AMD1: variants seen among roughly 807,000 people sequenced by gnomAD.
The protein encoded by AMD1 is S-adenosylmethionine decarboxylase proenzyme.
In AMD1, 11 loss-of-function variants were observed where a neutral mutation model predicts 40.2. The observed-to-expected ratio is 0.27, with a 90% confidence interval of 0.17 to 0.45. The LOEUF is 0.45. Ranked by LOEUF, AMD1 falls within the 20% of genes least tolerant of loss-of-function variation. AMD1 has a pLI of 1.00. For missense variants in AMD1, 257 were observed against 410.2 expected, an observed-to-expected ratio of 0.63 and a Z score of 3.23; for synonymous variants, 121 against 130.8, an observed-to-expected ratio of 0.93 and a Z score of 0.51.
the AMD1 span, among the ~76,000 whole-genome samples, chr6:110,829,653 A>G: frequency 6.6e-6 from 1 of 151,928 alleles, no homozygotes; most frequent in Admixed American, 6.6e-5. Flanking sequence ...TGGGCGACAG[A>G]GGGAGACTCT....
chr6:110,857,732 A>G, the AMD1 span, among the ~76,000 whole-genome samples: 11 of 145,680 alleles, frequency 7.6e-5, no homozygotes, highest in East Asian at 2.0e-4. Context: ...GATGGTGTGT[A>G]TATATATATA....
At chr6:110,883,978 G>A (rs1358641346) in intron 1 of AMD1, among the ~76,000 whole-genome samples, 3 of 152,136 alleles carry the variant, frequency 2.0e-5, no homozygotes, top group Non-Finnish European at 2.9e-5. Flanking sequence ...GATTATGGAA[G>A]GTTGAAGAAA....
the AMD1 span, among the ~76,000 whole-genome samples, chr6:110,822,083 A>G: frequency 1.3e-5 from 2 of 152,172 alleles, no homozygotes; most frequent in African/African-American, 2.4e-5. Context: ...CAAGAAAATA[A>G]GAGAGAAGGC....
chr6:110,862,146 C>T, the AMD1 span, among the ~76,000 whole-genome samples: 1 of 150,442 alleles, frequency 6.6e-6, no homozygotes, highest in Non-Finnish European at 1.5e-5. Flanking sequence ...GTAGCTGAGA[C>T]TACAGGCAGG....
At chr6:110,827,358 G>A in the AMD1 span, among the ~76,000 whole-genome samples, 1 of 148,782 alleles carries the variant, frequency 6.7e-6, no homozygotes, top group South Asian at 2.1e-4. Context: ...GCCCAAGCTT[G>A]TTTCTAACTC....
the AMD1 span, among the ~76,000 whole-genome samples, chr6:110,828,010 A>G: frequency 3.3e-5 from 5 of 152,242 alleles, no homozygotes; most frequent in African/African-American, 1.2e-4. Flanking sequence ...ACAGTAACAC[A>G]ATAAGCTACA....
rs1414778415 is a variant in AMD1, at chr6:110,888,735, T to C, written c.198-122T>C. 15 of 955,990 alleles carry C rather than the reference T, an allele frequency of 1.6e-5. No individual in the cohort carries two copies. In the East Asian group the frequency reaches 3.8e-4, roughly 24 times the overall value. The allele number at this position is 955,990 out of a possible 1,614,324, so 59.2% of individuals were successfully genotyped here. A position where few individuals can be genotyped will look rare whatever the true frequency, so the allele number is the denominator to read the frequency against. ...AGGAAAAGAATAATGTGTTACTTGC[T>C]TCCTTGAGATCCTAATATTTAAAAG... On this transcript the variant is annotated intron_variant, in intron 2 of 8. Transcript: ENST00000368885.
Position 110,894,592 on chromosome 6 carries a change from A to G in AMD1, c.*976A>G, listed in dbSNP as rs550769056. On this transcript the variant is annotated 3_prime_UTR_variant, in exon 9 of 9. Transcript: ENST00000368885. ...CTTTACTAACTTAGTAGTAGTATAA[A>G]ATCATTTTTATTTAGTTAATTACCA... 5.9e-5 allele frequency: 9 copies of G among 152,304 alleles called. No individual in the cohort carries two copies. The highest frequency in any genetic ancestry group is 5.2e-4 in the Admixed American group (8 of 15,286). The allele number at this position is 152,304 out of a possible 1,614,324, so 9.4% of individuals were successfully genotyped here.
At chr6:110,853,773 C>T in the AMD1 span, among the ~76,000 whole-genome samples, 1 of 152,182 alleles carries the variant, frequency 6.6e-6, no homozygotes, top group African/African-American at 2.4e-5. Flanking sequence ...CCTGACCTTT[C>T]AGAACTAACA....
chr6:110,859,149 G>C, the AMD1 span: 114 of 1,270,660 alleles, frequency 9.0e-5, 1 homozygote, highest in East Asian at 1.4e-3. Flanking sequence ...GGCTACTGAG[G>C]CTCCCAGCAC....
At chr6:110,886,333 C>CT (rs1192045475) in intron 1 of AMD1, among the ~76,000 whole-genome samples, 8 of 152,054 alleles carry the variant, frequency 5.3e-5, no homozygotes, top group African/African-American at 1.7e-4. Flanking sequence ...GGGTATTACT[C>CT]TATCGCCCAG....
chr6:110,846,741 G>C, the AMD1 span, among the ~76,000 whole-genome samples: 1 of 151,812 alleles, frequency 6.6e-6, no homozygotes, highest in Non-Finnish European at 1.5e-5. Flanking sequence ...GTGGTGGCGT[G>C]TGCCTGTAGT....
the AMD1 span, among the ~76,000 whole-genome samples, chr6:110,842,900 C>T: frequency 3.9e-5 from 6 of 151,958 alleles, no homozygotes; most frequent in South Asian, 2.1e-4. Context: ...TTTGGGAGGC[C>T]GAGGGGGATG....
At chr6:110,819,570 G>T in the AMD1 span, among the ~76,000 whole-genome samples, 1 of 152,184 alleles carries the variant, frequency 6.6e-6, no homozygotes, top group East Asian at 1.9e-4. Context: ...AGGAAACACA[G>T]GAATGGGAGC....
At chr6:110,848,799 C>T in the AMD1 span, 3 of 215,816 alleles carry the variant, frequency 1.4e-5, no homozygotes, top group South Asian at 1.3e-4. Context: ...GCCAGGAGTT[C>T]AAGACGAGCC....
the AMD1 span, among the ~76,000 whole-genome samples, chr6:110,816,464 A>G: frequency 6.6e-6 from 1 of 152,244 alleles, no homozygotes; most frequent in African/African-American, 2.4e-5. Context: ...CCACTCTGGC[A>G]TATTGATGTC....
upstream of AMD1, among the ~76,000 whole-genome samples, chr6:110,870,725 C>A (rs1302607669): frequency 2.0e-5 from 3 of 152,088 alleles, no homozygotes; most frequent in African/African-American, 7.2e-5. Flanking sequence ...CCTCTTCTTC[C>A]AGGCTAGACT....
At chr6:110,830,310 G>A in the AMD1 span, among the ~76,000 whole-genome samples, 5 of 152,142 alleles carry the variant, frequency 3.3e-5, no homozygotes, top group South Asian at 2.1e-4. Flanking sequence ...CACCGTGCCC[G>A]GCCAGGATCT....
At chr6:110,886,033 T>A (rs1346687315) in intron 1 of AMD1, among the ~76,000 whole-genome samples, 1 of 152,066 alleles carries the variant, frequency 6.6e-6, no homozygotes, top group East Asian at 1.9e-4. Flanking sequence ...GGCAGGCGGA[T>A]CACCTGAGGT....
Sources: gnomAD v4.1 joint callset for allele counts (sites outside exome capture counted in the v4.1 genomes callset) on GRCh38, gnomAD v4.1.1 for gene constraint, MANE v1.5 for transcripts, NCBI Gene and HGNC (gene_info 2026-07-23, HGNC 2026-07-21) for gene names.